PPAT: variants seen among roughly 807,000 people sequenced by gnomAD.
PPAT encodes the protein phosphoribosyl pyrophosphate amidotransferase.
A neutral mutation model predicts 60.2 loss-of-function variants in PPAT; 20 were observed. The observed-to-expected ratio is 0.33, with a 90% CI of 0.23 to 0.48. The LOEUF is 0.48. Among genes scored for constraint, PPAT ranks in the 20% least tolerant of loss-of-function variants. The pLI, the probability that PPAT is intolerant of heterozygous loss-of-function variation, is 0.99. For missense variants in PPAT, 349 were observed against 629.6 expected, an observed-to-expected ratio of 0.55 and a Z score of 4.77; for synonymous variants, 194 against 215.1, an observed-to-expected ratio of 0.90 and a Z score of 0.86.
At chr4:56,424,454 G>A (rs1003170204) in intron 1 of PPAT, among the ~76,000 whole-genome samples, 1 of 152,056 alleles carries the variant, frequency 6.6e-6, no homozygotes, top group African/African-American at 2.4e-5. Context: ...ATTCCATTCA[G>A]GGAAGAAAAA....
Position 56,426,855 on chromosome 4 carries a change from T to A in PPAT, c.128+8495A>T, listed in dbSNP as rs1717315756. Reference sequence around the variant, plus strand: ...ACTCTCCATCTCCAGAGCTTTTTCATCATTCCAAACTGAAACTTCTGTAGC... The same window carrying A: ...ACTCTCCATCTCCAGAGCTTTTTCAACATTCCAAACTGAAACTTCTGTAGC... On this transcript the variant is annotated intron_variant, in intron 1 of 10. Coordinates refer to ENST00000264220, the MANE Select transcript of PPAT (RefSeq NM_002703.5). 2.6e-5 allele frequency among the ~76,000 whole-genome samples: 4 copies of A among 152,206 alleles called. No homozygotes were observed. The South Asian group carries it at 8.3e-4, about 31-fold the overall frequency.
In PPAT at chr4:56,426,875, T is replaced by C. The variant is rs182303059; in HGVS notation, c.128+8475A>G. 3.9e-5 allele frequency among the ~76,000 whole-genome samples: 6 copies of C among 152,342 alleles called. No individual in the cohort carries two copies. In the East Asian group the frequency reaches 1.2e-3, roughly 29 times the overall value. On this transcript the variant is annotated intron_variant, in intron 1 of 10. Transcript: ENST00000264220. ...TTTCATCATTCCAAACTGAAACTTC[T>C]GTAGCCATTAAACAATAACTCCTCC...
Position 56,396,597 on chromosome 4 carries a change from T to G in PPAT, c.1357+22A>C. ...GATTTTCTCTGTTAATAATCAAAGT[T>G]TATAGAAATTTTAATACTTACCTAG... On this transcript the variant is annotated intron_variant, in intron 10 of 10. Coordinates refer to ENST00000264220, the MANE Select transcript of PPAT (RefSeq NM_002703.5). The surrounding 1 kb of genome is among the most constrained non-coding windows in gnomAD (Gnocchi z 4.6). The G allele has an allele frequency of 6.3e-7, 1 of 1,583,612 alleles. No homozygotes were observed. Among genetic ancestry groups the G allele is most frequent in the Non-Finnish European group, 8.6e-7 (1 of 1,158,308 alleles).
chr4:56,428,928 T>C (rs1717431690), intron 1 of PPAT: 3 of 901,870 alleles, frequency 3.3e-6, no homozygotes, highest in South Asian at 1.0e-4. Context: ...TTTTCCTGTG[T>C]TTTTATTTAA....
Position 56,396,525 on chromosome 4 carries a change from C to T in PPAT, c.1357+94G>A. ...AACATATATAACTACTTTTAACAAA[C>T]ACTGAATACTCCTTTTTACTAAAGG... On this transcript the variant is annotated intron_variant, in intron 10 of 10. Coordinates refer to ENST00000264220, the MANE Select transcript of PPAT (RefSeq NM_002703.5). The surrounding 1 kb of genome is among the most constrained non-coding windows in gnomAD (Gnocchi z 4.6). The T allele has an allele frequency of 1.6e-6, 2 of 1,264,208 alleles. No homozygotes were observed. Among genetic ancestry groups the T allele is most frequent in the African/African-American group, 1.5e-5 (1 of 66,202 alleles). The allele number at this position is 1,264,208 out of a possible 1,614,324, so 78.3% of individuals were successfully genotyped here.
intron 1 of PPAT, chr4:56,425,418 G>A (rs547169007): frequency 1.4e-5 from 13 of 941,672 alleles, no homozygotes; most frequent in Admixed American, 6.2e-5. Context: ...TCAGAAAACC[G>A]AAGACTTACA....
intron 1 of PPAT, chr4:56,419,712 G>A: frequency 1.0e-6 from 1 of 980,988 alleles, no homozygotes; most frequent in Non-Finnish European, 1.2e-6. Context: ...AGAAGTCAGG[G>A]CTCTAATAGA....
intron 3 of PPAT, chr4:56,404,130 T>C: frequency 2.7e-6 from 1 of 365,282 alleles, no homozygotes; most frequent in South Asian, 2.0e-5. Context: ...TAGAAGATTT[T>C]CAAGCAGGAA....
intron 1 of PPAT, among the ~76,000 whole-genome samples, chr4:56,427,283 T>A (rs1349869478): frequency 6.6e-6 from 1 of 152,196 alleles, no homozygotes; most frequent in Non-Finnish European, 1.5e-5. Flanking sequence ...TTGTGTTTAA[T>A]TTTTTTAGGA....
intron 1 of PPAT, chr4:56,410,921 AAAAAAAAG>A: frequency 3.3e-6 from 3 of 916,438 alleles, no homozygotes; most frequent in Non-Finnish European, 3.9e-6. Flanking sequence ...AAAAAAAAAA[AAAAAAAAG>A]AAAAGTACTC....
rs1054646327 is a variant in PPAT, at chr4:56,394,418, A to T, written c.*934T>A. ...TTTGCAAGTGATCAAGCACTTCATT[A>T]AAAAAAGCATATGATAATTAATTAA... On this transcript the variant is annotated 3_prime_UTR_variant, in exon 11 of 11. Coordinates refer to ENST00000264220, the MANE Select transcript of PPAT (RefSeq NM_002703.5). 1 of 152,072 alleles carries T rather than the reference A, an allele frequency of 6.6e-6. No individual in the cohort carries two copies. Among genetic ancestry groups the T allele is most frequent in the Non-Finnish European group, 1.5e-5 (1 of 67,994 alleles). 9.4% of individuals were successfully genotyped at this position (152,072 alleles called of 1,614,324 possible).
intron 1 of PPAT, among the ~76,000 whole-genome samples, chr4:56,424,004 C>T (rs1249233635): frequency 6.6e-6 from 1 of 152,096 alleles, no homozygotes; most frequent in African/African-American, 2.4e-5. Context: ...AATAGTCTTT[C>T]TTTAAAACAA....
At chr4:56,426,574 G>A (rs1008916727) in intron 1 of PPAT, among the ~76,000 whole-genome samples, 1 of 152,026 alleles carries the variant, frequency 6.6e-6, no homozygotes, top group Non-Finnish European at 1.5e-5. Context: ...TTGTTTCACG[G>A]TTCATCCACG....
chr4:56,435,535 C>A lies in PPAT; in HGVS notation c.-58G>T. ...GCTGCGGCCAAGGTGTAAGCACCAA[C>A]CAGCTGCCAGCTCGGCCCGTCGAGC... On this transcript the variant is annotated 5_prime_UTR_variant, in exon 1 of 11. Transcript: ENST00000264220. 1 of 1,610,172 alleles carries A rather than the reference C, an allele frequency of 6.2e-7. No homozygotes were observed. The highest frequency in any genetic ancestry group is 2.2e-5 in the East Asian group (1 of 44,838).
intron 1 of PPAT, among the ~76,000 whole-genome samples, chr4:56,413,292 T>G (rs145609943): frequency 5.9e-5 from 9 of 152,182 alleles, no homozygotes; most frequent in African/African-American, 2.2e-4. Context: ...GAGCTGGGAT[T>G]AGAGGCGCAA....
intron 1 of PPAT, chr4:56,419,623 C>T (rs983574780): frequency 9.3e-6 from 9 of 964,870 alleles, no homozygotes; most frequent in African/African-American, 5.3e-5. Flanking sequence ...GGTATCTCTA[C>T]GTCAGTATTG....
intron 1 of PPAT, among the ~76,000 whole-genome samples, chr4:56,416,194 G>A (rs759621335): frequency 4.5e-4 from 68 of 151,996 alleles, no homozygotes; most frequent in Non-Finnish European, 8.5e-4. Context: ...GAAAAAATTA[G>A]ATTTCTCTTT....
intron 1 of PPAT, among the ~76,000 whole-genome samples, chr4:56,434,291 G>A (rs1187221078): frequency 6.6e-6 from 1 of 152,186 alleles, no homozygotes; most frequent in Non-Finnish European, 1.5e-5. Context: ...TAAGTTTGGT[G>A]GAGGAAAAGC....
intron 1 of PPAT, among the ~76,000 whole-genome samples, chr4:56,411,557 A>G (rs1011633237): frequency 1.3e-5 from 2 of 152,166 alleles, no homozygotes; most frequent in African/African-American, 4.8e-5. Flanking sequence ...GAATCTACTC[A>G]TTGTCTGTGG....
Sources: gnomAD v4.1 joint callset for allele counts (sites outside exome capture counted in the v4.1 genomes callset) on GRCh38, gnomAD v4.1.1 for gene constraint, Gnocchi (gnomAD v3.1) non-coding constraint, MANE v1.5 for transcripts, NCBI Gene and HGNC (gene_info 2026-07-23, HGNC 2026-07-21) for gene names.